CFAP161: variants seen among roughly 807,000 people sequenced by gnomAD.
The protein encoded by CFAP161 is cilia and flagella associated protein 161, also known as cilia- and flagella-associated protein 161.
CFAP161 carries 25 observed loss-of-function variants against 29.0 expected under a neutral mutation model. The observed-to-expected ratio is 0.86, with a 90% CI of 0.63 to 1.20. The LOEUF is 1.20. Among genes scored for constraint, CFAP161 ranks in the 50% most tolerant of loss-of-function variants. The pLI is 0.00. For synonymous variants in CFAP161, 116 were observed against 137.4 expected, an observed-to-expected ratio of 0.84 and a Z score of 1.09; for missense variants, 367 against 371.9, an observed-to-expected ratio of 0.99 and a Z score of 0.11.
intron 1 of CFAP161, among the ~76,000 whole-genome samples, chr15:81,116,450 C>A (rs951390671): frequency 6.6e-6 from 1 of 152,176 alleles, no homozygotes; most frequent in Non-Finnish European, 1.5e-5. Context: ...CACGCCATAA[C>A]GCCCAGCTAA....
Position 81,137,077 on chromosome 15 carries a change from C to T in CFAP161, c.392+329C>T, listed in dbSNP as rs187651089. Among the ~76,000 whole-genome samples, 460 of 146,102 alleles carry T rather than the reference C, an allele frequency of 3.1e-3. 3 individuals carry two copies. The highest frequency in any genetic ancestry group is 4.0e-3 in the Non-Finnish European group (268 of 66,574). ...CTTTTTGAGCTCATTTGAGTGTTTT[C>T]ATTGTTCTTAATACGGCTATTTTTT... On this transcript the variant is annotated intron_variant, in intron 3 of 6. Transcript: ENST00000286732.
chr15:81,118,045 CT>C, intron 1 of CFAP161: 2 of 507,626 alleles, frequency 3.9e-6, no homozygotes, highest in East Asian at 4.9e-5. Flanking sequence ...GAGGTCCAGG[CT>C]TTTTAGACAT....
intron 4 of CFAP161, among the ~76,000 whole-genome samples, chr15:81,141,702 T>C (rs529787518): frequency 6.6e-6 from 1 of 151,670 alleles, no homozygotes; most frequent in East Asian, 1.9e-4. Context: ...TTTTTTTTTT[T>C]AAGTTGGTGT....
chr15:81,125,045 A>T (rs1894622860), intron 1 of CFAP161, among the ~76,000 whole-genome samples: 1 of 151,692 alleles, frequency 6.6e-6, no homozygotes, highest in African/African-American at 2.4e-5. Context: ...TCTATTATTT[A>T]TTTAACATAA....
At chr15:81,124,251 C>CT (rs1454681273) in intron 1 of CFAP161, among the ~76,000 whole-genome samples, 1 of 152,058 alleles carries the variant, frequency 6.6e-6, no homozygotes, top group Non-Finnish European at 1.5e-5. Context: ...AAAGCTTTTT[C>CT]TGCATCTATT....
chr15:81,126,677 A>G (rs1213447141), intron 1 of CFAP161, among the ~76,000 whole-genome samples: 1 of 152,028 alleles, frequency 6.6e-6, no homozygotes, highest in African/African-American at 2.4e-5. Context: ...ATATTTATCT[A>G]TTTCTTTTCA....
intron 1 of CFAP161, among the ~76,000 whole-genome samples, chr15:81,134,918 A>T (rs1052435655): frequency 6.6e-6 from 1 of 152,192 alleles, no homozygotes; most frequent in African/African-American, 2.4e-5. Context: ...CCATTCGTAT[A>T]CGGGTCAGAT....
intron 5 of CFAP161, among the ~76,000 whole-genome samples, chr15:81,146,904 C>T (rs1321324477): frequency 7.8e-6 from 1 of 128,050 alleles, no homozygotes; most frequent in Non-Finnish European, 1.7e-5. Flanking sequence ...ACATACATCC[C>T]TCACAATTTG....
At chr15:81,140,813 C>G (rs1211105505) in intron 4 of CFAP161, among the ~76,000 whole-genome samples, 1 of 152,052 alleles carries the variant, frequency 6.6e-6, no homozygotes, top group Non-Finnish European at 1.5e-5. Flanking sequence ...TCTTGAACTC[C>G]TGAGTTCAAG....
Position 81,138,037 on chromosome 15 carries a change from T to C in CFAP161, c.393-14T>C, listed in dbSNP as rs1567158435. Reference sequence around the variant, plus strand: ...AGAGTTTACATTTACATTATACTTATTGTCCACTGACAGTGTACACAGAGA... The same window carrying C: ...AGAGTTTACATTTACATTATACTTACTGTCCACTGACAGTGTACACAGAGA... On this transcript the variant is annotated splice_polypyrimidine_tract_variant and intron_variant, in intron 3 of 6. Coordinates refer to ENST00000286732, the MANE Select transcript of CFAP161 (RefSeq NM_173528.4). The C allele has an allele frequency of 8.3e-6, 13 of 1,557,610 alleles. No homozygotes were observed. Among genetic ancestry groups the C allele is most frequent in the African/African-American group, 2.7e-5 (2 of 73,650 alleles).
At chr15:81,110,568 A>G (rs1419303830) in intron 1 of CFAP161, among the ~76,000 whole-genome samples, 1 of 152,194 alleles carries the variant, frequency 6.6e-6, no homozygotes, top group Non-Finnish European at 1.5e-5. Flanking sequence ...GACTGAGACT[A>G]AACACTACTC....
chr15:81,134,269 C>A, upstream of CFAP161: 1 of 1,544,416 alleles, frequency 6.5e-7, no homozygotes, highest in East Asian at 2.4e-5. Flanking sequence ...GTCGTCATGG[C>A]GACGCGCCAC....
At chr15:81,110,576 C>G (rs1004396584) in intron 1 of CFAP161, among the ~76,000 whole-genome samples, 3 of 152,190 alleles carry the variant, frequency 2.0e-5, no homozygotes, top group Non-Finnish European at 4.4e-5. Context: ...CTAAACACTA[C>G]TCTGGGTCCA....
chr15:81,109,713 T>C lies in CFAP161; in HGVS notation c.-141-17877T>C, dbSNP rs78330463. On this transcript the variant is annotated intron_variant, in intron 1 of 4. Coordinates refer to the CFAP161 transcript ENST00000560091. ...GGTAAGACCTTATCTCAAAAAAGAA[T>C]TGCGTAAGTTACCAATTGAGATGTC... Among the ~76,000 whole-genome samples, 297 of 152,246 alleles carry C rather than the reference T, an allele frequency of 2.0e-3. 1 individual carries two copies. The highest frequency in any genetic ancestry group is 6.8e-3 in the African/African-American group (282 of 41,548).
intron 1 of CFAP161, among the ~76,000 whole-genome samples, chr15:81,101,162 G>T (rs180728284): frequency 6.6e-6 from 1 of 152,276 alleles, no homozygotes; most frequent in African/African-American, 2.4e-5. Context: ...TGACTAATCA[G>T]GAATAGGCAG....
At chr15:81,105,150 TCC>T (rs1894350842) in intron 1 of CFAP161, among the ~76,000 whole-genome samples, 1 of 20,786 alleles carries the variant, frequency 4.8e-5, no homozygotes, top group African/African-American at 2.2e-4. Flanking sequence ...CCTCCCTCCC[TCC>T]CTCCCTCCCT....
chr15:81,104,835 G>T (rs1271000852), intron 1 of CFAP161, among the ~76,000 whole-genome samples: 2 of 152,080 alleles, frequency 1.3e-5, no homozygotes, highest in African/African-American at 4.8e-5. Context: ...TCTCTAGTTT[G>T]CTATTTATAT....
intron 1 of CFAP161, among the ~76,000 whole-genome samples, chr15:81,107,867 T>C (rs1894392669): frequency 6.6e-6 from 1 of 152,202 alleles, no homozygotes; most frequent in Non-Finnish European, 1.5e-5. Context: ...TATGAACACA[T>C]GAGGAAGGCT....
intron 1 of CFAP161, among the ~76,000 whole-genome samples, chr15:81,122,705 T>A (rs1330638942): frequency 6.6e-6 from 1 of 152,098 alleles, no homozygotes; most frequent in Non-Finnish European, 1.5e-5. Context: ...TTGGCCAGGC[T>A]GGTCTCAAAC....
Sources: gnomAD v4.1 joint callset for allele counts (sites outside exome capture counted in the v4.1 genomes callset) on GRCh38, gnomAD v4.1.1 for gene constraint, MANE v1.5 for transcripts, NCBI Gene and HGNC (gene_info 2026-07-23, HGNC 2026-07-21) for gene names.